RADIL: variants seen among roughly 807,000 people sequenced by gnomAD.
RADIL encodes the protein Rap associating with DIL domain.
A neutral mutation model predicts 97.6 loss-of-function variants in RADIL; 99 were observed. That is an observed-to-expected ratio of 1.01 (90% CI 0.86 to 1.20). The LOEUF (loss-of-function observed/expected upper bound fraction) is 1.20. Ranked by LOEUF, RADIL falls within the 50% of genes most tolerant of loss-of-function variation. RADIL has a pLI of 0.00. For missense variants in RADIL, 1,765 were observed against 1,498.9 expected, an observed-to-expected ratio of 1.18 and a Z score of -2.93; for synonymous variants, 803 against 691.8, an observed-to-expected ratio of 1.16 and a Z score of -2.52.
At chr7:4,877,056 C>A (rs1335898985) in intron 2 of RADIL, among the ~76,000 whole-genome samples, 6 of 152,182 alleles carry the variant, frequency 3.9e-5, no homozygotes, top group Non-Finnish European at 7.3e-5. Context: ...ATAATCTGAT[C>A]AGACAAAAGA....
Position 4,877,956 on chromosome 7 carries a change from G to A in RADIL, c.184C>T (p.Pro62Ser). ...TCCCCAAACACCTTCAGGACACCAGGGGCCGACAGCTGGGTGGAGAGCTCG... is the reference window on the plus strand; with the variant it reads ...TCCCCAAACACCTTCAGGACACCAGAGGCCGACAGCTGGGTGGAGAGCTCG... ...PAELSTQLSA[P>S]GVLKVFGDSV... The change falls in exon 2 of 15, where the codon CCT (proline) becomes TCT (serine). Residue 62 changes from proline (P) to serine (S), a missense_variant. By Grantham distance (74) the Pro-to-Ser change is moderately conservative. Coordinates refer to ENST00000399583, the MANE Select transcript of RADIL (RefSeq NM_018059.5). The A allele has an allele frequency of 6.2e-7, 1 of 1,610,750 alleles. No homozygotes were observed. Among genetic ancestry groups the A allele is most frequent in the Non-Finnish European group, 8.5e-7 (1 of 1,179,968 alleles).
intron 2 of RADIL, among the ~76,000 whole-genome samples, chr7:4,850,216 TAAAAA>T (rs34276261): frequency 1.1e-5 from 1 of 88,068 alleles, no homozygotes; most frequent in African/African-American, 4.2e-5. Context: ...ACGATCCCTT[TAAAAA>T]AAAAAAAAAA....
Position 4,861,546 on chromosome 7 carries a change from A to G in RADIL, c.535+16059T>C, listed in dbSNP as rs766933639. ...TTTCCTCCAACGTTTTCAATTACAG[A>G]CTGGGGAAGACTCTTGCTTTCACTG... On this transcript the variant is annotated intron_variant, in intron 2 of 14. Coordinates refer to ENST00000399583, the MANE Select transcript of RADIL (RefSeq NM_018059.5). The G allele has an allele frequency of 5.6e-6, 9 of 1,613,926 alleles. No homozygotes were observed. The highest frequency in any genetic ancestry group is 1.3e-5 in the African/African-American group (1 of 74,940).
chr7:4,834,523 C>T lies in RADIL; in HGVS notation c.1416+84G>A, dbSNP rs983066370. 17 of 1,252,632 alleles carry T rather than the reference C, an allele frequency of 1.4e-5. No homozygotes were observed. The Admixed American group carries it at 6.3e-4, about 46-fold the overall frequency. The allele number at this position is 1,252,632 out of a possible 1,614,324, so 77.6% of individuals were successfully genotyped here. Reference sequence around the variant, plus strand: ...CCGTGGGGGTCAGATAGAGGCGCTCCCGCCTCCCAGCCGGGGCCAGCTCCG... The same window carrying T: ...CCGTGGGGGTCAGATAGAGGCGCTCTCGCCTCCCAGCCGGGGCCAGCTCCG... On this transcript the variant is annotated intron_variant, in intron 4 of 14. Transcript: ENST00000399583. This position sits in a 1 kb window ranked among gnomAD's most constrained non-coding sequence, Gnocchi z 6.0.
intron 5 of RADIL, among the ~76,000 whole-genome samples, chr7:4,827,380 C>G (rs1783016075): frequency 7.0e-6 from 1 of 142,826 alleles, no homozygotes; most frequent in Non-Finnish European, 1.5e-5. Context: ...AAAAAAAGGG[C>G]CGGGTGCGGT....
rs1782652955 is a variant in RADIL at position 4,815,468 on chromosome 7, G to A, written c.1967-18C>T. 6.7e-7 allele frequency: 1 copy of A among 1,488,406 alleles called. No individual in the cohort carries two copies. Among genetic ancestry groups the A allele is most frequent in the Admixed American group, 2.4e-5 (1 of 40,846 alleles). 92.2% of individuals were successfully genotyped at this position (1,488,406 alleles called of 1,614,324 possible). A position where few individuals can be genotyped will look rare whatever the true frequency, so the allele number is the denominator to read the frequency against. ...GGAGGGGCCTGTGGAGGGAAGAAGG[G>A]AGGGTGATGCCTGGGCTGCCCTCCT... is the stretch of plus-strand genomic sequence containing the variant. On this transcript the variant is annotated intron_variant, in intron 8 of 14. Coordinates refer to ENST00000399583, the MANE Select transcript of RADIL (RefSeq NM_018059.5). This position sits in a 1 kb window ranked among gnomAD's most constrained non-coding sequence, Gnocchi z 8.0.
At chr7:4,876,415 C>G (rs1238886486) in intron 2 of RADIL, among the ~76,000 whole-genome samples, 1 of 152,128 alleles carries the variant, frequency 6.6e-6, no homozygotes, top group Non-Finnish European at 1.5e-5. Context: ...ATTCTCCTGC[C>G]TGAGCCTCCT....
intron 2 of RADIL, chr7:4,838,106 C>T (rs548866289): frequency 2.6e-5 from 25 of 966,812 alleles, no homozygotes; most frequent in East Asian, 2.3e-4. Flanking sequence ...AGCCGCAGTG[C>T]GAGGCTGCTG....
Position 4,840,074 on chromosome 7 carries a change from C to G in RADIL, c.536-3469G>C, listed in dbSNP as rs1783403009. 6.6e-6 allele frequency among the ~76,000 whole-genome samples: 1 copy of G among 152,146 alleles called. No homozygotes were observed. Among genetic ancestry groups the G allele is most frequent in the Non-Finnish European group, 1.5e-5 (1 of 68,018 alleles). On this transcript the variant is annotated intron_variant, in intron 2 of 14. Coordinates refer to ENST00000399583, the MANE Select transcript of RADIL (RefSeq NM_018059.5). The surrounding 1 kb of genome is among the most constrained non-coding windows in gnomAD (Gnocchi z 5.6). ...TAAACACTTTTGTTAAAATAAAAAT[C>G]ACAGAAGTTTGAAAGGCCTCTTGCT...
intron 2 of RADIL, chr7:4,859,966 A>C (rs761341667): frequency 1.2e-6 from 2 of 1,614,028 alleles, no homozygotes; most frequent in Admixed American, 1.7e-5. Context: ...ATGTTGAAGA[A>C]ACAACTCTGG....
Position 4,801,930 on chromosome 7 carries a change from G to C in RADIL, c.2565C>G (p.Asp855Glu). Residue 855 changes from aspartate to glutamate, a missense_variant, in exon 12 of 15, where the codon GAC becomes GAG. Asp to Glu is a conservative substitution (Grantham distance 45, BLOSUM62 2). Transcript: ENST00000399583. ...EAPSCPLAPR[D>E]PGPAAREVAP... The stretch of plus-strand genomic sequence containing the variant: ...CCACTTCCCGGGCTGCTGGGCCAGG[G>C]TCCCTGGGAGCCAGGGGGCAGCTCG... The C allele has an allele frequency of 6.4e-7, 1 of 1,567,722 alleles. No homozygotes were observed. The highest frequency in any genetic ancestry group is 8.6e-7 in the Non-Finnish European group (1 of 1,158,864).
chr7:4,867,611 C>A lies in RADIL; in HGVS notation c.535+9994G>T, dbSNP rs1784158817. ...GTCTGGCAACATAGTGAGGCCCTGT[C>A]TCTATTTTTAAAATAAATAAGTAAA... is the stretch of plus-strand genomic sequence containing the variant. On this transcript the variant is annotated intron_variant, in intron 2 of 14. Transcript: ENST00000399583. This position sits in a 1 kb window ranked among gnomAD's most constrained non-coding sequence, Gnocchi z 4.1. Among the ~76,000 whole-genome samples the A allele has an allele frequency of 6.6e-6, 1 of 151,210 alleles. No homozygotes were observed. Among genetic ancestry groups the A allele is most frequent in the Non-Finnish European group, 1.5e-5 (1 of 67,978 alleles).
rs1470731368 is a variant in RADIL at position 4,878,063 on chromosome 7, C to T, written c.77G>A (p.Ser26Asn). The T allele has an allele frequency of 6.2e-7, 1 of 1,601,350 alleles. No individual in the cohort carries two copies. The change falls in exon 2 of 15, where the codon AGC (serine) becomes AAC (asparagine). Residue 26 changes from serine (S) to asparagine (N), a missense_variant. Physicochemically the swap from Ser to Asn is conservative, Grantham distance 46 (BLOSUM62 1). Coordinates refer to ENST00000399583, the MANE Select transcript of RADIL (RefSeq NM_018059.5). This position sits in a 1 kb window ranked among gnomAD's most constrained non-coding sequence, Gnocchi z 4.1. ...KLKRQSQLLS[S>N]MLSRTLSYKY... ...GTAGCTCAGCGTCCGGGACAGCATGCTGGACAACAGCTGGCTCTGCCGCTT... is the reference window on the plus strand; with the variant it reads ...GTAGCTCAGCGTCCGGGACAGCATGTTGGACAACAGCTGGCTCTGCCGCTT...
chr7:4,839,416 T>C (rs971341227), intron 2 of RADIL, among the ~76,000 whole-genome samples: 2 of 152,154 alleles, frequency 1.3e-5, no homozygotes, highest in Non-Finnish European at 2.9e-5. Context: ...TGGCCAAGCG[T>C]GTGGTCAGTG....
chr7:4,829,901 C>G (rs748165036), intron 5 of RADIL, among the ~76,000 whole-genome samples: 3 of 152,142 alleles, frequency 2.0e-5, no homozygotes, highest in Non-Finnish European at 4.4e-5. Flanking sequence ...TCGGATATGT[C>G]TTTATTAGCA....
At chr7:4,876,993 C>T (rs1784390504) in intron 2 of RADIL, among the ~76,000 whole-genome samples, 1 of 152,222 alleles carries the variant, frequency 6.6e-6, no homozygotes, top group Non-Finnish European at 1.5e-5. Context: ...CTGTATTTAA[C>T]AAGGCGTGCG....
rs527749524 is a variant in RADIL at position 4,835,643 on chromosome 7, T to C, written c.784-404A>G. 3.3e-5 allele frequency among the ~76,000 whole-genome samples: 5 copies of C among 151,638 alleles called. No homozygotes were observed. Among genetic ancestry groups the C allele is most frequent in the East Asian group, 1.9e-4 (1 of 5,152 alleles). On this transcript the variant is annotated intron_variant, in intron 3 of 14. Coordinates refer to ENST00000399583, the MANE Select transcript of RADIL (RefSeq NM_018059.5). The surrounding 1 kb of genome is among the most constrained non-coding windows in gnomAD (Gnocchi z 5.8). ...AGCACCACCCCCAGTGTGGGAGCAC[T>C]GCCGCCTGTGTGAGAGCACTGCCCC...
intron 2 of RADIL, chr7:4,859,770 T>C (rs780311978): frequency 3.2e-5 from 20 of 631,586 alleles, no homozygotes; most frequent in African/African-American, 7.4e-5. Context: ...GAGAGGCCAA[T>C]AGAGAAGATG....
In RADIL at chr7:4,818,675, G is replaced by A. The variant is rs972058686; in HGVS notation, c.1616-1324C>T. Among the ~76,000 whole-genome samples the A allele has an allele frequency of 1.3e-5, 2 of 152,142 alleles. No homozygotes were observed. The highest frequency in any genetic ancestry group is 2.4e-5 in the African/African-American group (1 of 41,432). On this transcript the variant is annotated intron_variant, in intron 6 of 14. Coordinates refer to ENST00000399583, the MANE Select transcript of RADIL (RefSeq NM_018059.5). This position sits in a 1 kb window ranked among gnomAD's most constrained non-coding sequence, Gnocchi z 7.1. ...GCCGGCAAAGGATATTCACAGCCAC[G>A]GCAGGCGGGTCAGGAGGCTGAGCTC...
Sources: allele counts gnomAD v4.1 joint callset (sites outside exome capture counted in the v4.1 genomes callset), GRCh38; gene constraint gnomAD v4.1.1; non-coding constraint Gnocchi (gnomAD v3.1); transcripts MANE v1.5; gene names NCBI Gene and HGNC (gene_info 2026-07-23, HGNC 2026-07-21).